The following PUS7 variants were observed in gnomAD, a reference collection of about 807,000 sequenced individuals.
The protein encoded by PUS7 is pseudouridylate synthase 7 homolog.
In PUS7, 48 loss-of-function variants were observed where a neutral mutation model predicts 79.8. The ratio of observed to expected loss-of-function variants is 0.60; its 90% confidence interval spans 0.48 to 0.76. PUS7 has a LOEUF of 0.76. Ranked by LOEUF, PUS7 falls within the 30% of genes least tolerant of loss-of-function variation. The pLI is 0.00. For missense variants in PUS7, 729 were observed against 797.6 expected, an observed-to-expected ratio of 0.91 and a Z score of 1.04; for synonymous variants, 286 against 272.2, an observed-to-expected ratio of 1.05 and a Z score of -0.50.
At chr7:105,479,762 C>A (rs1396509825) in intron 9 of PUS7, among the ~76,000 whole-genome samples, 1 of 152,158 alleles carries the variant, frequency 6.6e-6, no homozygotes, top group Non-Finnish European at 1.5e-5. Flanking sequence ...CTTAGGGAGG[C>A]CAAGACGGGC....
intron 1 of PUS7, among the ~76,000 whole-genome samples, chr7:105,520,490 A>G (rs1013222384): frequency 7.9e-6 from 1 of 127,136 alleles, no homozygotes; most frequent in Non-Finnish European, 1.9e-5. Flanking sequence ...CCTCTGCAAT[A>G]CATGTGGGCG....
At chr7:105,496,808 G>A in intron 5 of PUS7, 1 of 279,566 alleles carries the variant, frequency 3.6e-6, no homozygotes, top group African/African-American at 2.2e-5. Flanking sequence ...TTCCTCACAA[G>A]TTCTTCAGAA....
intron 4 of PUS7, among the ~76,000 whole-genome samples, chr7:105,505,677 G>A (rs145952984): frequency 3.7e-4 from 57 of 152,278 alleles, no homozygotes; most frequent in Middle Eastern, 3.4e-3. Context: ...TCTGGCTTCA[G>A]CCTTCGGAGT....
rs748708595 is a variant in PUS7, at chr7:105,505,938, A to AT, written c.585+16dup. ...TAAAACCCTAAATAATTTTTCATAT[A>AT]TTTTTGCATTAGTTACCTCAATGGC... On this transcript the variant is annotated intron_variant, in intron 4 of 15. Transcript: ENST00000469408. 2 of 1,573,358 alleles carry AT rather than the reference A, an allele frequency of 1.3e-6. No individual in the cohort carries two copies. Among genetic ancestry groups the AT allele is most frequent in the Admixed American group, 3.7e-5 (2 of 53,984 alleles).
Position 105,508,660 on chromosome 7 carries a change from A to G in PUS7, c.-32-116T>C, listed in dbSNP as rs1163837850. ...TGAGGGAGGTTAAGGCAGGCAGATC[A>G]CTTGAGGTCAGGAGTTCAAGACCAG... On this transcript the variant is annotated intron_variant, in intron 1 of 15. Transcript: ENST00000469408. 3 of 1,357,838 alleles carry G rather than the reference A, an allele frequency of 2.2e-6. No individual in the cohort carries two copies. The Admixed American group carries it at 8.4e-5, about 38-fold the overall frequency. 84.1% of individuals were successfully genotyped at this position (1,357,838 alleles called of 1,614,324 possible).
intron 9 of PUS7, among the ~76,000 whole-genome samples, chr7:105,475,377 G>A (rs1824055471): frequency 6.6e-6 from 1 of 151,924 alleles, no homozygotes; most frequent in Non-Finnish European, 1.5e-5. Flanking sequence ...AGTAGAGATG[G>A]GGTTTCACTG....
intron 1 of PUS7, among the ~76,000 whole-genome samples, chr7:105,520,703 T>C (rs1334912473): frequency 6.6e-6 from 1 of 151,378 alleles, no homozygotes; most frequent in Non-Finnish European, 1.5e-5. Flanking sequence ...GCCTGGGTGA[T>C]GGAGTGAGAC....
Position 105,492,177 on chromosome 7 carries a change from A to C in PUS7, c.843-560T>G, listed in dbSNP as rs1356220265. On this transcript the variant is annotated intron_variant, in intron 6 of 15. Transcript: ENST00000469408. ...AGTTACTGGGGAGGCCTGAGGCAGG[A>C]GGACTGTCTGCGCTCAGGAGTTGGA... is the stretch of plus-strand genomic sequence containing the variant. 2.0e-5 allele frequency among the ~76,000 whole-genome samples: 3 copies of C among 151,700 alleles called. No individual in the cohort carries two copies. The East Asian group carries it at 5.8e-4, about 29-fold the overall frequency.
chr7:105,470,841 CT>C lies in PUS7; in HGVS notation c.1244del (p.Lys415ArgfsTer43). The C allele has an allele frequency of 1.3e-6, 2 of 1,588,226 alleles. No individual in the cohort carries two copies. Among genetic ancestry groups the C allele is most frequent in the South Asian group, 1.1e-5 (1 of 88,624 alleles). ...CTTCTCTGCATTTAACCAAGTAGCC[CT>C]TTTCAGCTGCGGGGGGAAAAAGCTA... ...LILKPRSGAE[K>X]GYLVKCREEW... On this transcript the variant is annotated frameshift_variant, in exon 11 of 16. Coordinates refer to ENST00000469408, the MANE Select transcript of PUS7 (RefSeq NM_019042.5). LOFTEE classifies it high-confidence loss of function.
At chr7:105,466,430 T>A (rs1034746238) in intron 12 of PUS7, among the ~76,000 whole-genome samples, 20 of 151,826 alleles carry the variant, frequency 1.3e-4, no homozygotes, top group Admixed American at 1.1e-3. Flanking sequence ...GTTAGTTTTT[T>A]AATTTTTTGT....
chr7:105,469,726 T>C (rs1484541303), intron 11 of PUS7, among the ~76,000 whole-genome samples: 4 of 152,038 alleles, frequency 2.6e-5, no homozygotes, highest in Non-Finnish European at 2.9e-5. Context: ...TCCCAAAGTG[T>C]TGGAATTACA....
At chr7:105,475,720 T>C (rs1824081222) in intron 9 of PUS7, among the ~76,000 whole-genome samples, 1 of 152,184 alleles carries the variant, frequency 6.6e-6, no homozygotes, top group South Asian at 2.1e-4. Context: ...TTTTGGCTAT[T>C]TTTAAGTATA....
At chr7:105,500,062 G>A (rs1479539978) in intron 5 of PUS7, among the ~76,000 whole-genome samples, 2 of 152,160 alleles carry the variant, frequency 1.3e-5, no homozygotes, top group Non-Finnish European at 1.5e-5. Context: ...CCATGAGGAG[G>A]TGGGAGAGAT....
At chr7:105,504,552 C>A (rs1342789421) in intron 4 of PUS7, among the ~76,000 whole-genome samples, 1 of 152,160 alleles carries the variant, frequency 6.6e-6, no homozygotes, top group Non-Finnish European at 1.5e-5. Flanking sequence ...GAAAGTCCAT[C>A]TTCATTTTAC....
chr7:105,520,452 A>C (rs1826063548), intron 1 of PUS7, among the ~76,000 whole-genome samples: 1 of 151,850 alleles, frequency 6.6e-6, no homozygotes. Context: ...AAGCTGGGTG[A>C]ATGCTTAACG....
At chr7:105,461,282 T>C (rs1006402103) in intron 14 of PUS7, among the ~76,000 whole-genome samples, 1 of 152,208 alleles carries the variant, frequency 6.6e-6, no homozygotes, top group African/African-American at 2.4e-5. Flanking sequence ...TTTTTAGAAA[T>C]AGGAAAAAAG....
intron 9 of PUS7, among the ~76,000 whole-genome samples, chr7:105,473,847 C>A (rs903833552): frequency 1.3e-5 from 2 of 152,212 alleles, no homozygotes; most frequent in African/African-American, 2.4e-5. Context: ...AGCCACCATG[C>A]CTGGCCTATA....
At chr7:105,458,427 AT>A (rs1161059627) in intron 15 of PUS7, among the ~76,000 whole-genome samples, 58 of 143,276 alleles carry the variant, frequency 4.0e-4, no homozygotes, top group Admixed American at 5.6e-4. Flanking sequence ...CGCCCGCCTA[AT>A]TTTTTTTTTT....
At chr7:105,467,036 T>G (rs1045187410) in intron 12 of PUS7, among the ~76,000 whole-genome samples, 72 of 14,132 alleles carry the variant, frequency 5.1e-3, no homozygotes, top group Non-Finnish European at 8.6e-3. Context: ...TTTTTTCTGT[T>G]TTTTTTTTTT....
Sources: gnomAD v4.1 joint callset for allele counts (sites outside exome capture counted in the v4.1 genomes callset) on GRCh38, gnomAD v4.1.1 for gene constraint, MANE v1.5 for transcripts, NCBI Gene and HGNC (gene_info 2026-07-23, HGNC 2026-07-21) for gene names.